GARRE1: variants seen among roughly 807,000 people sequenced by gnomAD.
The protein encoded by GARRE1 is granule associated Rac and RHOG effector protein 1.
Under a neutral mutation model 103.2 loss-of-function variants are expected in GARRE1, and 49 were observed. That is an observed-to-expected ratio of 0.47 (90% CI 0.38 to 0.60). GARRE1 has a LOEUF of 0.60. Among genes scored for constraint, GARRE1 ranks in the 20% least tolerant of loss-of-function variants. GARRE1 has a pLI of 0.00. For synonymous variants in GARRE1, 505 were observed against 532.8 expected (o/e 0.95, Z 0.72); for missense variants, 1,199 against 1,370.5 (o/e 0.87, Z 1.98).
At chr19:34,345,384 C>T (rs1352428601) in intron 10 of GARRE1, among the ~76,000 whole-genome samples, 1 of 152,250 alleles carries the variant, frequency 6.6e-6, no homozygotes, top group Admixed American at 6.5e-5. Flanking sequence ...ACACCTCCAT[C>T]CTGCTAAGAA....
chr19:34,295,114 T>TAAATAAATAAAA (rs1413665554), intron 1 of GARRE1, among the ~76,000 whole-genome samples: 4 of 152,334 alleles, frequency 2.6e-5, no homozygotes, highest in South Asian at 4.1e-4. Flanking sequence ...ACAGGTTAAA[T>TAAATAAATAAAA]AATGCCAATT....
chr19:34,347,683 C>T (rs2074218358), intron 10 of GARRE1, among the ~76,000 whole-genome samples, 194 bp from the exon 11 acceptor site: 1 of 152,254 alleles, frequency 6.6e-6, no homozygotes, highest in Admixed American at 6.5e-5. Context: ...CATGCCTCAG[C>T]CCTAGGTGCG....
At chr19:34,349,253 C>A in intron 12 of GARRE1, 100 bp downstream of exon 12, 1 of 1,223,836 alleles carries the variant, frequency 8.2e-7, no homozygotes, top group Non-Finnish European at 1.2e-6. Context: ...CACCTCCAGT[C>A]TCCCTGTGTG....
At chr19:34,279,781 T>C (rs901553094) in intron 1 of GARRE1, among the ~76,000 whole-genome samples, 14 of 151,344 alleles carry the variant, frequency 9.3e-5, no homozygotes, top group African/African-American at 2.4e-4. Flanking sequence ...GTCAGGAGAT[T>C]GAGACCATCC....
chr19:34,333,677 GTTTTTTT>G lies in GARRE1; in HGVS notation c.1264-16_1264-10del. 1.5e-6 allele frequency: 1 copy of G among 673,614 alleles called. No homozygotes were observed. The allele number at this position is 673,614 out of a possible 1,614,324, so 41.7% of individuals were successfully genotyped here. ...TCTCTCTGAAAGCTGGTTGTTATTT[GTTTTTTT>G]TTTTTTTTTTCGATCTTAGGTGGTG... is the stretch of plus-strand genomic sequence containing the variant. On this transcript the variant is annotated intron_variant, in intron 7 of 13. Coordinates refer to ENST00000299505, the MANE Select transcript of GARRE1 (RefSeq NM_014686.5).
chr19:34,287,484 G>C (rs951241403), intron 1 of GARRE1, among the ~76,000 whole-genome samples: 11 of 152,152 alleles, frequency 7.2e-5, no homozygotes, highest in African/African-American at 1.9e-4. Flanking sequence ...AAGGTTGGTA[G>C]GTGGTGAAAA....
chr19:34,286,952 T>C (rs2073890630), intron 1 of GARRE1, among the ~76,000 whole-genome samples: 1 of 152,050 alleles, frequency 6.6e-6, no homozygotes, highest in South Asian at 2.1e-4. Flanking sequence ...ATCAGAATCA[T>C]CTGGGGAACT....
At chr19:34,279,126 T>G (rs2073835777) in intron 1 of GARRE1, among the ~76,000 whole-genome samples, 1 of 152,232 alleles carries the variant, frequency 6.6e-6, no homozygotes, top group Non-Finnish European at 1.5e-5. Flanking sequence ...CTCACGTCCT[T>G]GCTTTCAGTT....
At chr19:34,272,045 T>C (rs2073791399) in intron 1 of GARRE1, among the ~76,000 whole-genome samples, 1 of 152,118 alleles carries the variant, frequency 6.6e-6, no homozygotes. Flanking sequence ...GAGCAGTTGC[T>C]GTAGAAGAGG....
At chr19:34,333,127 A>G (rs1307429204) in intron 7 of GARRE1, among the ~76,000 whole-genome samples, 1 of 152,098 alleles carries the variant, frequency 6.6e-6, no homozygotes, top group African/African-American at 2.4e-5. Flanking sequence ...GCTCACTGCA[A>G]CCTCTGCCTC....
At chr19:34,314,726 G>C (rs973242476) in intron 2 of GARRE1, among the ~76,000 whole-genome samples, 8 of 152,190 alleles carry the variant, frequency 5.3e-5, no homozygotes, top group Admixed American at 1.3e-4. Flanking sequence ...GGTTATTGCT[G>C]ACTGCAAGGA....
intron 1 of GARRE1, among the ~76,000 whole-genome samples, chr19:34,298,150 GGCT>G (rs1434660273): frequency 2.6e-5 from 4 of 152,180 alleles, no homozygotes; most frequent in Admixed American, 2.0e-4. Context: ...CAAGCACGGT[GGCT>G]CATGCCTGTA....
At chr19:34,339,274 C>T (rs1318723604) in intron 8 of GARRE1, among the ~76,000 whole-genome samples, 1 of 152,134 alleles carries the variant, frequency 6.6e-6, no homozygotes, top group Non-Finnish European at 1.5e-5. Context: ...GTTGGGGGTT[C>T]CCAAAACCTC....
At chr19:34,265,713 T>C (rs1343228788) in intron 1 of GARRE1, 1 of 152,168 alleles carries the variant, frequency 6.6e-6, no homozygotes, top group Non-Finnish European at 1.5e-5. Context: ...GAATTAAGAA[T>C]TGCAGTGGAA....
At chr19:34,270,020 G>T (rs1032434270) in intron 1 of GARRE1, among the ~76,000 whole-genome samples, 2 of 152,160 alleles carry the variant, frequency 1.3e-5, no homozygotes, top group Non-Finnish European at 2.9e-5. Context: ...CTCCATGCCC[G>T]CCTTTCTCTT....
intron 2 of GARRE1, among the ~76,000 whole-genome samples, chr19:34,306,580 C>T (rs1306288059): frequency 6.6e-6 from 1 of 152,190 alleles, no homozygotes; most frequent in Non-Finnish European, 1.5e-5. Context: ...GGTTCACCCT[C>T]ACAGTCTCTC....
At position 34,261,360 on chromosome 19, in the gene GARRE1, C is replaced by T. The variant is rs1347101031; in HGVS notation, c.-796+6746C>T. On this transcript the variant is annotated intron_variant, in intron 1 of 13. Coordinates refer to ENST00000299505, the MANE Select transcript of GARRE1 (RefSeq NM_014686.5). ...AGTATTCAATGACAGTATTAGCTCT[C>T]GTTGGTATTCATAAAGTAGTAACTG... is the stretch of plus-strand genomic sequence containing the variant. Among the ~76,000 whole-genome samples, 3 of 152,210 alleles carry T rather than the reference C, an allele frequency of 2.0e-5. 1 individual carries two copies. The East Asian group carries it at 5.8e-4, about 29-fold the overall frequency.
Position 34,352,927 on chromosome 19 carries a change from G to C in GARRE1, c.3185G>C (p.Arg1062Pro). The change falls in exon 14 of 14, where the codon CGC becomes CCC. Residue 1062 changes from arginine to proline, a missense_variant. Arg to Pro is a moderately radical substitution (Grantham distance 103). Coordinates refer to ENST00000299505, the MANE Select transcript of GARRE1 (RefSeq NM_014686.5). ...AAGGCCTTCCCTGGGAAGGGTGAGC[G>C]CAGGCCAGCCTATCTGCCCCAGTAC... ...GFKAFPGKGERRPAYLPQY is the reference protein window; with the variant it reads ...GFKAFPGKGEPRPAYLPQY The C allele has an allele frequency of 6.4e-7, 1 of 1,563,226 alleles. No individual in the cohort carries two copies. Among genetic ancestry groups the C allele is most frequent in the Non-Finnish European group, 8.7e-7 (1 of 1,154,500 alleles).
chr19:34,351,497 G>A lies in GARRE1; in HGVS notation c.2826-17G>A. ...GGAAGCCAAGCAATCACTGCCCTGA[G>A]CTCTTGGTTCTTGCAGGAAACACAG... On this transcript the variant is annotated splice_polypyrimidine_tract_variant and intron_variant, in intron 12 of 13. Coordinates refer to ENST00000299505, the MANE Select transcript of GARRE1 (RefSeq NM_014686.5). 1.9e-6 allele frequency: 3 copies of A among 1,608,666 alleles called. No homozygotes were observed. Among genetic ancestry groups the A allele is most frequent in the Non-Finnish European group, 2.6e-6 (3 of 1,175,202 alleles).
Sources: gnomAD v4.1 joint callset for allele counts (sites outside exome capture counted in the v4.1 genomes callset) on GRCh38, gnomAD v4.1.1 for gene constraint, MANE v1.5 for transcripts, NCBI Gene and HGNC (gene_info 2026-07-23, HGNC 2026-07-21) for gene names.